SEMA3E: variants seen among roughly 807,000 people sequenced by gnomAD.
The protein encoded by SEMA3E is semaphorin-3E.
A neutral mutation model predicts 93.6 loss-of-function variants in SEMA3E; 49 were observed. The observed-to-expected ratio is 0.52, with a 90% CI of 0.42 to 0.66. SEMA3E has a LOEUF of 0.66. Among genes scored for constraint, SEMA3E ranks in the 30% least tolerant of loss-of-function variants. The probability of loss-of-function intolerance (pLI) is 0.00; values close to 1 mark genes in which losing one functional copy is unlikely to be tolerated. For missense variants in SEMA3E, 906 were observed against 964.8 expected (o/e 0.94, Z 0.81); for synonymous variants, 363 against 330.7 (o/e 1.10, Z -1.06).
intron 1 of SEMA3E, among the ~76,000 whole-genome samples, chr7:83,545,736 G>T (rs2115781176): frequency 6.7e-6 from 1 of 149,044 alleles, no homozygotes; most frequent in East Asian, 2.0e-4. Context: ...ATACTGTATG[G>T]ATGTATATGT....
rs190401604 is a variant in SEMA3E, at chr7:83,441,298, C to T, written c.457-22815G>A. Among the ~76,000 whole-genome samples the T allele has an allele frequency of 4.6e-4, 70 of 152,072 alleles. 1 individual carries two copies. Among genetic ancestry groups the T allele is most frequent in the Admixed American group, 8.5e-4 (13 of 15,276 alleles). On this transcript the variant is annotated intron_variant, in intron 4 of 16. Transcript: ENST00000643230. ...AGCATAGTAGAAATGAATGAAAGGACGGGTTTTTAAGAAAACCTGATAACA... is the reference window on the plus strand; with the variant it reads ...AGCATAGTAGAAATGAATGAAAGGATGGGTTTTTAAGAAAACCTGATAACA...
chr7:83,433,753 C>T (rs1362201373), intron 4 of SEMA3E, among the ~76,000 whole-genome samples: 1 of 151,980 alleles, frequency 6.6e-6, no homozygotes, highest in Non-Finnish European at 1.5e-5. Flanking sequence ...AATGAGGATA[C>T]AAGACAAAGA....
intron 1 of SEMA3E, among the ~76,000 whole-genome samples, chr7:83,583,658 T>G (rs780312022): frequency 6.6e-6 from 1 of 152,174 alleles, no homozygotes; most frequent in Non-Finnish European, 1.5e-5. Flanking sequence ...ACTGGTTAGA[T>G]GTTGACATGT....
intron 1 of SEMA3E, among the ~76,000 whole-genome samples, chr7:83,529,190 G>A (rs1019350052): frequency 6.6e-6 from 1 of 152,102 alleles, no homozygotes; most frequent in Non-Finnish European, 1.5e-5. Context: ...GCTTGATAAA[G>A]GGGATGAAAG....
intron 1 of SEMA3E, among the ~76,000 whole-genome samples, chr7:83,557,597 G>A (rs184608896): frequency 2.4e-3 from 364 of 151,932 alleles, no homozygotes; most frequent in African/African-American, 8.6e-3. Flanking sequence ...ATTTGACAAG[G>A]TATTCAAAAA....
intron 16 of SEMA3E, among the ~76,000 whole-genome samples, chr7:83,376,066 A>G (rs991179596): frequency 2.6e-5 from 4 of 152,138 alleles, no homozygotes; most frequent in Admixed American, 1.3e-4. Flanking sequence ...AGATGAGCAC[A>G]TTTTTTAAAT....
Position 83,456,814 on chromosome 7 carries a change from A to C in SEMA3E, c.456+9668T>G, listed in dbSNP as rs113021798. ...TTTTTAGTAGAGATAGGGTTTCACCATGTTGGCCAGGCTGGTCTTGAACTC... is the reference window on the plus strand; with the variant it reads ...TTTTTAGTAGAGATAGGGTTTCACCCTGTTGGCCAGGCTGGTCTTGAACTC... On this transcript the variant is annotated intron_variant, in intron 4 of 16. Transcript: ENST00000643230. Among the ~76,000 whole-genome samples, 1,157 of 151,932 alleles carry C rather than the reference A, an allele frequency of 7.6e-3. 16 individuals carry two copies. Among genetic ancestry groups the C allele is most frequent in the African/African-American group, 0.027 (1,114 of 41,454 alleles).
chr7:83,385,326 C>G lies in SEMA3E; in HGVS notation c.1843G>C (p.Val615Leu), dbSNP rs1250855738. 6 of 1,613,386 alleles carry G rather than the reference C, an allele frequency of 3.7e-6. No individual in the cohort carries two copies. In the South Asian group the frequency reaches 4.4e-5, roughly 12 times the overall value. Residue 615 changes from valine (V) to leucine (L), a missense_variant, in exon 16 of 17, where the codon GTA becomes CTA. Coordinates refer to ENST00000643230, the MANE Select transcript of SEMA3E (RefSeq NM_012431.3). ...TTTCTTGTCTCACGTCCTTTCTGTA[C>G]AAACCAGATAACTTTCGCTTGTAAA... ...RSLQAKVIWFVQKGRETRKEE... is the reference protein window; with the variant it reads ...RSLQAKVIWFLQKGRETRKEE...
chr7:83,598,973 C>T (rs1792930300), intron 1 of SEMA3E, among the ~76,000 whole-genome samples: 1 of 152,062 alleles, frequency 6.6e-6, no homozygotes, highest in Non-Finnish European at 1.5e-5. Context: ...TTTTTATAAA[C>T]ACAGTCACTG....
At chr7:83,509,544 A>G (rs560455475) in intron 1 of SEMA3E, among the ~76,000 whole-genome samples, 60 of 152,330 alleles carry the variant, frequency 3.9e-4, no homozygotes, top group African/African-American at 1.3e-3. Context: ...ACAAAACAAA[A>G]CAAAACAAAA....
At chr7:83,457,048 T>C (rs1361027687) in intron 4 of SEMA3E, among the ~76,000 whole-genome samples, 6 of 152,206 alleles carry the variant, frequency 3.9e-5, no homozygotes, top group Non-Finnish European at 8.8e-5. Flanking sequence ...TTAAAACTTT[T>C]CTTTTTCAAA....
intron 1 of SEMA3E, among the ~76,000 whole-genome samples, chr7:83,511,528 C>A (rs189943131): frequency 6.6e-6 from 1 of 152,208 alleles, no homozygotes; most frequent in East Asian, 1.9e-4. Flanking sequence ...ATCAAATCTC[C>A]ATTCAGAATT....
At chr7:83,411,368 A>C (rs930575801) in intron 5 of SEMA3E, among the ~76,000 whole-genome samples, 1 of 152,166 alleles carries the variant, frequency 6.6e-6, no homozygotes, top group African/African-American at 2.4e-5. Flanking sequence ...TATAGGTGCT[A>C]AAAACTGTAA....
At chr7:83,599,281 C>T (rs1419331550) in intron 1 of SEMA3E, among the ~76,000 whole-genome samples, 1 of 152,012 alleles carries the variant, frequency 6.6e-6, no homozygotes, top group African/African-American at 2.4e-5. Flanking sequence ...ACACAATGTC[C>T]CTTTCATTAG....
At chr7:83,598,968 A>G (rs1792930216) in intron 1 of SEMA3E, among the ~76,000 whole-genome samples, 1 of 152,248 alleles carries the variant, frequency 6.6e-6, no homozygotes, top group Non-Finnish European at 1.5e-5. Context: ...GAATTTTTTT[A>G]TAAACACAGT....
At chr7:83,380,449 T>C (rs17157559) in intron 16 of SEMA3E, among the ~76,000 whole-genome samples, 8,914 of 152,004 alleles carry the variant, frequency 0.059, 853 homozygotes, top group African/African-American at 0.2. Context: ...CCTTGATCTG[T>C]CTACTCATTT....
intron 4 of SEMA3E, among the ~76,000 whole-genome samples, chr7:83,441,254 T>C (rs1045581492): frequency 6.6e-6 from 1 of 152,026 alleles, no homozygotes; most frequent in Non-Finnish European, 1.5e-5. Context: ...TAAGCATGGA[T>C]GAAAAGGAAA....
chr7:83,453,016 G>A (rs1789396395), intron 4 of SEMA3E, among the ~76,000 whole-genome samples: 1 of 151,988 alleles, frequency 6.6e-6, no homozygotes, highest in African/African-American at 2.4e-5. Context: ...TTCTTCTAAT[G>A]CTAATTTATA....
chr7:83,469,574 C>A (rs1208615764), intron 2 of SEMA3E, among the ~76,000 whole-genome samples: 1 of 151,942 alleles, frequency 6.6e-6, no homozygotes, highest in Non-Finnish European at 1.5e-5. Flanking sequence ...GACAGCCATG[C>A]CTTAACTAGC....
Sources: allele counts gnomAD v4.1 joint callset (sites outside exome capture counted in the v4.1 genomes callset), GRCh38; gene constraint gnomAD v4.1.1; transcripts MANE v1.5; gene names NCBI Gene and HGNC (gene_info 2026-07-23, HGNC 2026-07-21).